The following PTPRG variants were observed in gnomAD, a reference collection of about 807,000 sequenced individuals.
PTPRG encodes protein tyrosine phosphatase receptor type G, also known as receptor-type tyrosine-protein phosphatase gamma.
A neutral mutation model predicts 165.3 loss-of-function variants in PTPRG; 102 were observed. That is an observed-to-expected ratio of 0.62 (90% CI 0.53 to 0.73). PTPRG has a LOEUF of 0.73. Among genes scored for constraint, PTPRG ranks in the 30% least tolerant of loss-of-function variants. The pLI is 0.00. For missense variants in PTPRG, 1,866 were observed against 1,861.4 expected (o/e 1.00, Z -0.05); for synonymous variants, 675 against 669.5 (o/e 1.01, Z -0.13).
In PTPRG at chr3:61,824,748, G is replaced by A. The variant is rs1384023876; in HGVS notation, c.190+75766G>A. Among the ~76,000 whole-genome samples the A allele has an allele frequency of 2.0e-5, 3 of 152,166 alleles. No homozygotes were observed. In the East Asian group the frequency reaches 5.8e-4, roughly 29 times the overall value. On this transcript the variant is annotated intron_variant, in intron 2 of 29. Coordinates refer to ENST00000474889, the MANE Select transcript of PTPRG (RefSeq NM_002841.4). ...CAAGGTTGCAGTGAGCTGTGACCTT[G>A]CCATTGTACTTCAGCCTGGGCAACA...
chr3:61,839,875 C>G (rs2036574426), intron 2 of PTPRG, among the ~76,000 whole-genome samples: 1 of 152,164 alleles, frequency 6.6e-6, no homozygotes. Context: ...TTATAAAGCT[C>G]ACACCCTTCA....
intron 1 of PTPRG, among the ~76,000 whole-genome samples, chr3:61,582,333 A>G (rs1008507530): frequency 1.3e-5 from 2 of 152,142 alleles, no homozygotes; most frequent in African/African-American, 4.8e-5. Flanking sequence ...ATATTCATAC[A>G]TGTCATTATA....
intron 2 of PTPRG, among the ~76,000 whole-genome samples, chr3:61,761,698 C>T (rs1219824488): frequency 6.6e-6 from 1 of 152,188 alleles, no homozygotes; most frequent in East Asian, 1.9e-4. Context: ...TTGAGAGTTT[C>T]CTTGGACACG....
At chr3:61,761,419 A>C (rs1253099572) in intron 2 of PTPRG, among the ~76,000 whole-genome samples, 2 of 152,152 alleles carry the variant, frequency 1.3e-5, no homozygotes, top group Non-Finnish European at 1.5e-5. Flanking sequence ...TCTACTAAAA[A>C]TACAAAAAAA....
At chr3:62,268,285 T>A (rs1015345067) in intron 19 of PTPRG, among the ~76,000 whole-genome samples, 4 of 152,068 alleles carry the variant, frequency 2.6e-5, no homozygotes, top group African/African-American at 4.8e-5. Context: ...TTAACCATCA[T>A]TAAGAGGACC....
Position 62,228,154 on chromosome 3 carries a change from G to T in PTPRG, c.2289-3071G>T, listed in dbSNP as rs1269246095. On this transcript the variant is annotated intron_variant, in intron 13 of 29. Coordinates refer to ENST00000474889, the MANE Select transcript of PTPRG (RefSeq NM_002841.4). The surrounding 1 kb of genome is among the most constrained non-coding windows in gnomAD (Gnocchi z 4.1). ...GGGAAGGACTCTGACCACAGCCAGG[G>T]TTAGGTGAGAAGGAGAGGGAGCCAA... Among the ~76,000 whole-genome samples the T allele has an allele frequency of 6.6e-6, 1 of 152,112 alleles. No individual in the cohort carries two copies. The highest frequency in any genetic ancestry group is 1.5e-5 in the Non-Finnish European group (1 of 68,004).
At position 62,240,968 on chromosome 3, in the gene PTPRG, GT is replaced by G. The variant is rs1184378107; in HGVS notation, c.2376-2836del. Among the ~76,000 whole-genome samples the G allele has an allele frequency of 2.6e-5, 4 of 152,132 alleles. No homozygotes were observed. The highest frequency in any genetic ancestry group is 1.5e-5 in the Non-Finnish European group (1 of 68,032). Reference sequence around the variant, plus strand: ...GGAGAGTAGGTGCCTTGTGTGTCTTGTTTATCATTGTGCTCCCAGCTCCTCA... The same window carrying G: ...GGAGAGTAGGTGCCTTGTGTGTCTTGTTATCATTGTGCTCCCAGCTCCTCA... On this transcript the variant is annotated intron_variant, in intron 14 of 29. Coordinates refer to ENST00000474889, the MANE Select transcript of PTPRG (RefSeq NM_002841.4). The surrounding 1 kb of genome is among the most constrained non-coding windows in gnomAD (Gnocchi z 5.1).
intron 4 of PTPRG, among the ~76,000 whole-genome samples, chr3:62,015,950 CT>C (rs2041534621): frequency 6.6e-6 from 1 of 152,028 alleles, no homozygotes. Context: ...TTTTAAAAGT[CT>C]TTTAAAGCTT....
intron 1 of PTPRG, among the ~76,000 whole-genome samples, chr3:61,632,299 A>G (rs1013930696): frequency 2.1e-5 from 3 of 142,414 alleles, no homozygotes; most frequent in East Asian, 2.0e-4. Context: ...ACAGAGTGAG[A>G]CCCTGTTACA....
At chr3:62,027,550 C>T (rs754506736) in intron 4 of PTPRG, among the ~76,000 whole-genome samples, 6 of 152,204 alleles carry the variant, frequency 3.9e-5, no homozygotes, top group Middle Eastern at 3.4e-3. Flanking sequence ...AATAATTTGT[C>T]GCTTACCTGA....
rs1267539377 is a variant in PTPRG at position 62,190,043 on chromosome 3, T to TTCCTCTCCC, written c.1034-1413_1034-1405dup. 8.5e-5 allele frequency among the ~76,000 whole-genome samples: 13 copies of TTCCTCTCCC among 152,142 alleles called. No individual in the cohort carries two copies. The highest frequency in any genetic ancestry group is 2.9e-4 in the African/African-American group (12 of 41,432). ...TGGGTGCCAAAGCCCGAGCCACCTC[T>TTCCTCTCCC]TCCTCTCCCTCCTCTCCCTCCATCC... On this transcript the variant is annotated intron_variant, in intron 8 of 29. Coordinates refer to ENST00000474889, the MANE Select transcript of PTPRG (RefSeq NM_002841.4). This position sits in a 1 kb window ranked among gnomAD's most constrained non-coding sequence, Gnocchi z 5.2.
intron 5 of PTPRG, among the ~76,000 whole-genome samples, chr3:62,116,487 C>T (rs989725076): frequency 1.2e-4 from 19 of 152,112 alleles, no homozygotes; most frequent in African/African-American, 4.3e-4. Context: ...GTATTCTCTA[C>T]AGTAATAAAA....
intron 1 of PTPRG, among the ~76,000 whole-genome samples, chr3:61,624,890 G>A (rs1403433624): frequency 2.0e-5 from 3 of 152,112 alleles, no homozygotes; most frequent in South Asian, 2.1e-4. Flanking sequence ...TCAGATAACG[G>A]ACATTTACTG....
intron 1 of PTPRG, among the ~76,000 whole-genome samples, chr3:61,699,854 A>G (rs1390217866): frequency 1.3e-5 from 2 of 152,252 alleles, no homozygotes; most frequent in Non-Finnish European, 2.9e-5. Context: ...TGATTTGCAT[A>G]AAACTGAAAC....
At chr3:62,128,250 T>C (rs958947341) in intron 5 of PTPRG, among the ~76,000 whole-genome samples, 4 of 152,140 alleles carry the variant, frequency 2.6e-5, no homozygotes, top group African/African-American at 9.7e-5. Flanking sequence ...TTTCTTCTAG[T>C]CCATTTTAAG....
intron 2 of PTPRG, among the ~76,000 whole-genome samples, chr3:61,861,304 G>A (rs942851759): frequency 2.6e-5 from 4 of 151,916 alleles, no homozygotes; most frequent in African/African-American, 9.7e-5. Flanking sequence ...TTTCTTAGTG[G>A]GGAAAAAAAA....
intron 7 of PTPRG, among the ~76,000 whole-genome samples, chr3:62,160,451 A>T (rs1162530197): frequency 6.6e-6 from 1 of 152,206 alleles, no homozygotes; most frequent in African/African-American, 2.4e-5. Context: ...TGGCCCCTCT[A>T]AACATCTTCT....
chr3:62,115,640 C>CTTT (rs74266091), intron 5 of PTPRG, among the ~76,000 whole-genome samples: 1 of 142,036 alleles, frequency 7.0e-6, no homozygotes. Context: ...AAGGCACATT[C>CTTT]TTTTTTTTTT....
chr3:61,800,627 C>T (rs954686767), intron 2 of PTPRG, among the ~76,000 whole-genome samples: 1 of 150,086 alleles, frequency 6.7e-6, no homozygotes, highest in African/African-American at 2.4e-5. Flanking sequence ...GAAGGGTGTT[C>T]CGTGGTGGGG....
Sources: allele counts gnomAD v4.1 joint callset (sites outside exome capture counted in the v4.1 genomes callset), GRCh38; gene constraint gnomAD v4.1.1; non-coding constraint Gnocchi (gnomAD v3.1); transcripts MANE v1.5; gene names NCBI Gene and HGNC (gene_info 2026-07-23, HGNC 2026-07-21).